MALRD1: variants seen among roughly 807,000 people sequenced by gnomAD.
MALRD1 encodes MAM and LDL-receptor class A domain-containing protein 1.
MALRD1 carries 247 observed loss-of-function variants against 242.1 expected under a neutral mutation model. The observed-to-expected ratio is 1.02, with a 90% CI of 0.92 to 1.13. The LOEUF (loss-of-function observed/expected upper bound fraction) is 1.13. Among genes scored for constraint, MALRD1 ranks in the 50% most tolerant of loss-of-function variants. MALRD1 has a pLI of 0.00. For missense variants in MALRD1, 2,989 were observed against 2,533.1 expected (o/e 1.18, Z -3.86); for synonymous variants, 995 against 866.6 (o/e 1.15, Z -2.60).
In MALRD1 at chr10:19,413,370, G is replaced by A. The variant is rs111801568; in HGVS notation, c.4845+23761G>A. 7.3e-3 allele frequency among the ~76,000 whole-genome samples: 1,111 copies of A among 151,816 alleles called. 16 individuals carry two copies. The highest frequency in any genetic ancestry group is 0.025 in the African/African-American group (1,039 of 41,366). ...GTAGATTTATGTTCTCAGAAAAAGC[G>A]CCCTAACCCTTCAACAGTAATACTC... On this transcript the variant is annotated intron_variant, in intron 28 of 39. Transcript: ENST00000454679.
chr10:19,056,415 A>T (rs1057121830), intron 1 of MALRD1, among the ~76,000 whole-genome samples: 1 of 152,090 alleles, frequency 6.6e-6, no homozygotes, highest in Non-Finnish European at 1.5e-5. Flanking sequence ...CTTGTTAATT[A>T]AATTTATATC....
intron 31 of MALRD1, among the ~76,000 whole-genome samples, chr10:19,519,035 TTC>T (rs1833763881): frequency 6.6e-6 from 1 of 152,182 alleles, no homozygotes; most frequent in Non-Finnish European, 1.5e-5. Context: ...TTTAAAAGCT[TTC>T]TCTCTTTTTC....
At chr10:19,500,306 T>C (rs11597226) in intron 31 of MALRD1, among the ~76,000 whole-genome samples, 228 of 152,308 alleles carry the variant, frequency 1.5e-3, no homozygotes, top group Non-Finnish European at 2.7e-3. Context: ...GTGTATACTA[T>C]AAGATGAACA....
intron 32 of MALRD1, among the ~76,000 whole-genome samples, chr10:19,564,393 A>C (rs189366935): frequency 6.6e-6 from 1 of 152,238 alleles, no homozygotes; most frequent in East Asian, 1.9e-4. Flanking sequence ...AATGTTCTAC[A>C]TTATAAGCAG....
chr10:19,237,592 T>C (rs1172521148), intron 18 of MALRD1, among the ~76,000 whole-genome samples: 1 of 6,958 alleles, frequency 1.4e-4, no homozygotes, highest in African/African-American at 1.7e-3. Flanking sequence ...AATTATATAA[T>C]TATATAATTA....
chr10:19,076,904 A>C (rs1296557188), intron 2 of MALRD1, among the ~76,000 whole-genome samples: 1 of 152,090 alleles, frequency 6.6e-6, no homozygotes, highest in Admixed American at 6.6e-5. Context: ...TCTGAACAAT[A>C]TTAAGTTTTC....
intron 28 of MALRD1, among the ~76,000 whole-genome samples, chr10:19,431,106 C>A (rs973137405): frequency 6.6e-6 from 1 of 152,076 alleles, no homozygotes; most frequent in South Asian, 2.1e-4. Flanking sequence ...CAACCCATCA[C>A]GTATGTATTA....
intron 21 of MALRD1, among the ~76,000 whole-genome samples, chr10:19,287,484 A>G (rs1254305931): frequency 6.6e-6 from 1 of 152,106 alleles, no homozygotes; most frequent in African/African-American, 2.4e-5. Flanking sequence ...TCTGAGCTAG[A>G]TATTGCATGA....
intron 36 of MALRD1, among the ~76,000 whole-genome samples, chr10:19,618,308 C>T (rs1232390498): frequency 6.6e-6 from 1 of 151,970 alleles, no homozygotes; most frequent in African/African-American, 2.4e-5. Flanking sequence ...ATGGAGGTGC[C>T]TTTATGACAG....
chr10:19,437,454 T>C (rs1564338941), intron 28 of MALRD1, among the ~76,000 whole-genome samples: 1 of 152,090 alleles, frequency 6.6e-6, no homozygotes, highest in African/African-American at 2.4e-5. Flanking sequence ...CCAGGACGTG[T>C]TTCAATCTTA....
intron 2 of MALRD1, among the ~76,000 whole-genome samples, chr10:19,084,273 T>G (rs1455395513): frequency 2.6e-5 from 4 of 151,976 alleles, no homozygotes; most frequent in Non-Finnish European, 5.9e-5. Flanking sequence ...GGTTTGTATC[T>G]AAGACTACTA....
rs1837342842 is a variant in MALRD1 at position 19,128,231 on chromosome 10, A to G, written c.954A>G (p.Val318=). ...TCTTTTATCTTTCAGGTTATTATGT[A>G]TGGGTAGGCGCTAAGCATGGTTTCA... ...DQGGDDEGYY[V]WVGAKHGFTL... The change falls in exon 8 of 40, where the codon GTA becomes GTG. Residue 318 remains valine, a synonymous_variant. Transcript: ENST00000454679. The G allele has an allele frequency of 8.1e-7, 1 of 1,233,370 alleles. No homozygotes were observed. The highest frequency in any genetic ancestry group is 1.0e-6 in the Non-Finnish European group (1 of 987,762). 76.4% of individuals were successfully genotyped at this position (1,233,370 alleles called of 1,614,324 possible).
intron 36 of MALRD1, among the ~76,000 whole-genome samples, chr10:19,670,100 A>T (rs571189742): frequency 1.3e-5 from 2 of 152,116 alleles, no homozygotes; most frequent in South Asian, 4.1e-4. Context: ...ACAAACACAC[A>T]CACACACACA....
intron 32 of MALRD1, among the ~76,000 whole-genome samples, chr10:19,556,726 G>A (rs767649201): frequency 9.9e-5 from 15 of 152,070 alleles, no homozygotes; most frequent in South Asian, 2.1e-4. Context: ...AAACAATCAC[G>A]TGCACATTTA....
chr10:19,355,680 T>C (rs1217805791), intron 26 of MALRD1, among the ~76,000 whole-genome samples: 1 of 150,992 alleles, frequency 6.6e-6, no homozygotes, highest in African/African-American at 2.4e-5. Context: ...GTACCTTTAA[T>C]TGTGCCTTCA....
At chr10:19,197,100 GGA>G (rs1200240738) in intron 14 of MALRD1, among the ~76,000 whole-genome samples, 1 of 152,022 alleles carries the variant, frequency 6.6e-6, no homozygotes, top group African/African-American at 2.4e-5. Context: ...TATGGTGGCA[GGA>G]GAGAGAGAGA....
chr10:19,733,721 A>G (rs981987048), intron 39 of MALRD1, among the ~76,000 whole-genome samples: 10 of 148,006 alleles, frequency 6.8e-5, no homozygotes, highest in East Asian at 3.9e-4. Context: ...ATATATATAT[A>G]TAATATATAT....
At chr10:19,317,025 G>T (rs778881474) in intron 21 of MALRD1, among the ~76,000 whole-genome samples, 1 of 150,740 alleles carries the variant, frequency 6.6e-6, no homozygotes, top group Non-Finnish European at 1.5e-5. Context: ...TCATGTGCCC[G>T]TAAAGATACA....
At chr10:19,501,904 C>CT (rs1837989256) in intron 31 of MALRD1, among the ~76,000 whole-genome samples, 1 of 151,456 alleles carries the variant, frequency 6.6e-6, no homozygotes, top group Non-Finnish European at 1.5e-5. Context: ...GGTAGAGTGC[C>CT]TGTTGTCCCC....
Sources: gnomAD v4.1 joint callset for allele counts (sites outside exome capture counted in the v4.1 genomes callset) on GRCh38, gnomAD v4.1.1 for gene constraint, MANE v1.5 for transcripts, NCBI Gene and HGNC (gene_info 2026-07-23, HGNC 2026-07-21) for gene names.